PBK: variants seen among roughly 807,000 people sequenced by gnomAD.
PBK encodes the protein PDZ binding kinase, also known as lymphokine-activated killer T-cell-originated protein kinase.
A neutral mutation model predicts 33.5 loss-of-function variants in PBK; 22 were observed. The ratio of observed to expected loss-of-function variants is 0.66; its 90% CI spans 0.47 to 0.94. The LOEUF is 0.94. PBK is among the 40% of genes least tolerant of loss of function. The pLI, the probability that PBK is intolerant of heterozygous loss-of-function variation, is 0.00. For synonymous variants in PBK, 129 were observed against 123.8 expected (o/e 1.04, Z -0.28); for missense variants, 376 against 383.4 (o/e 0.98, Z 0.16).
intron 3 of PBK, 113 bp from the exon 4 acceptor site, chr8:27,823,318 G>A (rs1157037928): frequency 7.7e-6 from 5 of 650,770 alleles, no homozygotes; most frequent in Non-Finnish European, 1.3e-5. Flanking sequence ...TTTAAAAACA[G>A]AATTTAAAAT....
intron 5 of PBK, among the ~76,000 whole-genome samples, chr8:27,822,087 C>A (rs111430463): frequency 4.6e-5 from 7 of 152,224 alleles, no homozygotes; most frequent in African/African-American, 1.7e-4. Context: ...GATGTCCGCA[C>A]GCACAGTGAT....
chr8:27,827,042 A>C (rs961137474), intron 3 of PBK, among the ~76,000 whole-genome samples: 2 of 152,218 alleles, frequency 1.3e-5, no homozygotes, highest in African/African-American at 2.4e-5. Flanking sequence ...ATGCTTCAGG[A>C]ATACCCATTG....
Position 27,825,827 on chromosome 8 carries a change from C to T in PBK, c.152+2278G>A, listed in dbSNP as rs1277202765. On this transcript the variant is annotated intron_variant, in intron 3 of 7. Coordinates refer to ENST00000301905, the MANE Select transcript of PBK (RefSeq NM_018492.4). The stretch of plus-strand genomic sequence containing the variant: ...TGGGGAAATCTCAGAAAAAAGATAG[C>T]GAATAAGAAAACCAAGCAAAAAAGA... Among the ~76,000 whole-genome samples the T allele has an allele frequency of 2.6e-5, 4 of 151,724 alleles. No homozygotes were observed. In the South Asian group the frequency reaches 6.3e-4, roughly 24 times the overall value.
At chr8:27,814,412 C>G (rs980819104) in intron 6 of PBK, among the ~76,000 whole-genome samples, 1 of 151,984 alleles carries the variant, frequency 6.6e-6, no homozygotes, top group African/African-American at 2.4e-5. Context: ...GACTTGTGTT[C>G]TCTTTTTTCT....
chr8:27,833,270 T>A (rs1806164536), intron 1 of PBK, 137 bp from the exon 2 acceptor site: 2 of 376,814 alleles, frequency 5.3e-6, no homozygotes, highest in Admixed American at 9.7e-5. Flanking sequence ...GGTGGGTGGA[T>A]CACCTGAGGT....
rs150991972 is a variant in PBK, at chr8:27,833,110, C to T, written c.4G>A (p.Glu2Lys). M[E>K]GISNFKTPSK... ...GGTGTCTTGAAATTACTGATCCCTTCCATTGTGAAAGCCACTCTCAGTCCT... is the reference window on the plus strand; with the variant it reads ...GGTGTCTTGAAATTACTGATCCCTTTCATTGTGAAAGCCACTCTCAGTCCT... The change falls in exon 2 of 8, where the codon GAA becomes AAA. Residue 2 changes from glutamate to lysine, a missense_variant. Physicochemically the swap from Glu to Lys is moderately conservative, Grantham distance 56. Coordinates refer to ENST00000301905, the MANE Select transcript of PBK (RefSeq NM_018492.4). 3.9e-5 allele frequency: 62 copies of T among 1,593,894 alleles called. No homozygotes were observed. The highest frequency in any genetic ancestry group is 1.2e-5 in the Non-Finnish European group (14 of 1,169,268).
At chr8:27,833,691 AAAGT>A (rs1388850847) in intron 1 of PBK, among the ~76,000 whole-genome samples, 1 of 146,092 alleles carries the variant, frequency 6.8e-6, no homozygotes, top group African/African-American at 2.5e-5. Context: ...TTTTCATTAT[AAAGT>A]AATATATGCA....
intron 5 of PBK, among the ~76,000 whole-genome samples, chr8:27,821,548 C>T (rs901442591): frequency 6.6e-6 from 1 of 152,206 alleles, no homozygotes; most frequent in African/African-American, 2.4e-5. Flanking sequence ...GCGTGAGCCA[C>T]CACACCCAGC....
chr8:27,832,267 A>C (rs1806145099), intron 2 of PBK, among the ~76,000 whole-genome samples: 1 of 152,196 alleles, frequency 6.6e-6, no homozygotes, highest in Admixed American at 6.5e-5. Flanking sequence ...CACTCACGAT[A>C]ATAACTAGAA....
chr8:27,811,219 G>A, intron 6 of PBK, 85 bp from the exon 7 acceptor site: 1 of 1,134,218 alleles, frequency 8.8e-7, no homozygotes, highest in Non-Finnish European at 1.3e-6. Context: ...CGAACGATTT[G>A]AACAAGTAGT....
rs1363589320 is a variant in PBK, at chr8:27,810,413, A to T, written c.861T>A (p.Asp287Glu). Residue 287 changes from aspartate (D) to glutamate (E), a missense_variant, in exon 8 of 8, where the codon GAT becomes GAA. Coordinates refer to ENST00000301905, the MANE Select transcript of PBK (RefSeq NM_018492.4). ...GTTCAATTACTTTCTGGTATGATTC[A>T]TCCAGTTCTTCCATATTAATAGGTG... ...TRPPINMEEL[D>E]ESYQKVIELF... The T allele has an allele frequency of 1.2e-6, 2 of 1,604,682 alleles. No individual in the cohort carries two copies. Among genetic ancestry groups the T allele is most frequent in the East Asian group, 4.5e-5 (2 of 44,808 alleles).
intron 2 of PBK, 41 bp downstream of exon 2, chr8:27,833,015 C>A (rs1806157450): frequency 8.5e-7 from 1 of 1,176,366 alleles, no homozygotes; most frequent in Non-Finnish European, 1.2e-6. Flanking sequence ...CTAAGAGAAA[C>A]AACAATAGTA....
intron 3 of PBK, among the ~76,000 whole-genome samples, chr8:27,827,029 A>G (rs1237093421): frequency 6.6e-6 from 1 of 152,196 alleles, no homozygotes; most frequent in African/African-American, 2.4e-5. Flanking sequence ...TTAAACTGCA[A>G]AAATGCTTCA....
chr8:27,813,873 A>G lies in PBK; in HGVS notation c.596-2739T>C, dbSNP rs900970268. The stretch of plus-strand genomic sequence containing the variant: ...GGCTAATATTTTGTTAAGGATTTTG[A>G]TACCTGTGTTTGTGAAGGATATTGG... On this transcript the variant is annotated intron_variant, in intron 6 of 7. Transcript: ENST00000301905. Among the ~76,000 whole-genome samples, 7 of 152,180 alleles carry G rather than the reference A, an allele frequency of 4.6e-5. No individual in the cohort carries two copies. In the South Asian group the frequency reaches 1.0e-3, roughly 23 times the overall value.
chr8:27,820,424 G>GGA (rs751333700), intron 6 of PBK, 141 bp downstream of exon 6: 1 of 576,536 alleles, frequency 1.7e-6, no homozygotes, highest in Admixed American at 3.3e-5. Flanking sequence ...AGGCTGACTG[G>GGA]GAGAGAGAGA....
chr8:27,816,654 G>GTGTC (rs1229040033), intron 6 of PBK, among the ~76,000 whole-genome samples: 1 of 151,784 alleles, frequency 6.6e-6, no homozygotes, highest in East Asian at 1.9e-4. Flanking sequence ...GGGATTACAG[G>GTGTC]TGTCAGCCAC....
At chr8:27,828,978 C>G (rs1476964627) in intron 2 of PBK, among the ~76,000 whole-genome samples, 1 of 152,130 alleles carries the variant, frequency 6.6e-6, no homozygotes, top group Non-Finnish European at 1.5e-5. Context: ...CCCTAACTTA[C>G]TGCTTGAAGG....
chr8:27,836,290 C>T (rs1375497650), intron 1 of PBK, among the ~76,000 whole-genome samples: 1 of 151,902 alleles, frequency 6.6e-6, no homozygotes, highest in Non-Finnish European at 1.5e-5. Flanking sequence ...GTCAGGGAGG[C>T]TGAGGGTAGG....
Position 27,833,275 on chromosome 8 carries a change from TGAGGTCGGTGGATCACC to T in PBK, c.-20-159_-20-143del, listed in dbSNP as rs1806164799. 3.4e-4 allele frequency: 129 copies of T among 373,918 alleles called. 1 individual carries two copies. The South Asian group carries it at 4.8e-3, about 14-fold the overall frequency. The allele number at this position is 373,918 out of a possible 1,614,324, so 23.2% of individuals were successfully genotyped here. A position where few individuals can be genotyped will look rare whatever the true frequency, so the allele number is the denominator to read the frequency against. On this transcript the variant is annotated intron_variant, in intron 1 of 7. Transcript: ENST00000301905. ...GGGAGGCTGAGGTGGGTGGATCACCTGAGGTCGGTGGATCACCTGAGGTCGGGAGTTCGAGACCAGCC... is the reference window on the plus strand; with the variant it reads ...GGGAGGCTGAGGTGGGTGGATCACCTTGAGGTCGGGAGTTCGAGACCAGCC...
Sources: allele counts gnomAD v4.1 joint callset (sites outside exome capture counted in the v4.1 genomes callset), GRCh38; gene constraint gnomAD v4.1.1; transcripts MANE v1.5; gene names NCBI Gene and HGNC (gene_info 2026-07-23, HGNC 2026-07-21).